The following FER variants were observed in gnomAD, a reference collection of about 807,000 sequenced individuals.
FER encodes the protein tyrosine-protein kinase Fer.
A neutral mutation model predicts 111.0 loss-of-function variants in FER; 63 were observed. The ratio of observed to expected loss-of-function variants is 0.57; its 90% CI spans 0.46 to 0.70. The LOEUF (loss-of-function observed/expected upper bound fraction) is 0.70. Ranked by LOEUF, FER falls within the 30% of genes least tolerant of loss-of-function variation. The probability of loss-of-function intolerance (pLI) is 0.00; values close to 1 mark genes in which losing one functional copy is unlikely to be tolerated. For synonymous variants in FER, 327 were observed against 313.9 expected (o/e 1.04, Z -0.44); for missense variants, 914 against 954.0 (o/e 0.96, Z 0.55).
intron 17 of FER, among the ~76,000 whole-genome samples, chr5:109,178,576 C>G (rs766846831): frequency 1.3e-5 from 2 of 152,186 alleles, no homozygotes; most frequent in South Asian, 2.1e-4. Context: ...GAGGTGCATA[C>G]TATATTGCCA....
intron 16 of FER, among the ~76,000 whole-genome samples, chr5:109,058,723 T>A (rs1181834449): frequency 7.4e-6 from 1 of 134,496 alleles, no homozygotes; most frequent in African/African-American, 2.9e-5. Context: ...TTTCTTTCTT[T>A]CTTTTTTTTT....
At chr5:108,880,625 A>G (rs1765582675) in intron 8 of FER, among the ~76,000 whole-genome samples, 1 of 152,116 alleles carries the variant, frequency 6.6e-6, no homozygotes, top group Non-Finnish European at 1.5e-5. Flanking sequence ...TAGTCAGAAT[A>G]TGAACTATTC....
At chr5:108,877,796 T>C (rs1765238982) in intron 8 of FER, among the ~76,000 whole-genome samples, 1 of 152,194 alleles carries the variant, frequency 6.6e-6, no homozygotes. Context: ...GGAAGTTTGA[T>C]CCCTTTAAGA....
chr5:109,018,106 T>C (rs1385366594), intron 13 of FER, among the ~76,000 whole-genome samples: 2 of 151,912 alleles, frequency 1.3e-5, no homozygotes, highest in African/African-American at 4.8e-5. Flanking sequence ...CTTAATACTT[T>C]GGATTTTTTA....
At chr5:109,077,748 A>G (rs1289388194) in intron 16 of FER, among the ~76,000 whole-genome samples, 1 of 152,184 alleles carries the variant, frequency 6.6e-6, no homozygotes, top group African/African-American at 2.4e-5. Flanking sequence ...ACAGCCAACC[A>G]TATTAAGGAA....
At chr5:108,794,750 T>C (rs1480022070) in intron 2 of FER, among the ~76,000 whole-genome samples, 2 of 152,322 alleles carry the variant, frequency 1.3e-5, no homozygotes, top group South Asian at 4.2e-4. Context: ...AAAAGGCTGC[T>C]GCCACACATG....
Position 108,823,268 on chromosome 5 carries a change from G to A in FER, c.208-9502G>A, listed in dbSNP as rs567549059. ...ATGAGATTACAGGTATCTTTTTGTT[G>A]TATTGATTTTGTTTTCTTTGGCTAT... is the stretch of plus-strand genomic sequence containing the variant. On this transcript the variant is annotated intron_variant, in intron 3 of 19. Coordinates refer to ENST00000281092, the MANE Select transcript of FER (RefSeq NM_005246.4). Among the ~76,000 whole-genome samples, 5 of 152,290 alleles carry A rather than the reference G, an allele frequency of 3.3e-5. No homozygotes were observed. The South Asian group carries it at 1.0e-3, about 32-fold the overall frequency.
chr5:108,749,945 A>C (rs1259018137), intron 1 of FER, among the ~76,000 whole-genome samples: 2 of 152,236 alleles, frequency 1.3e-5, no homozygotes, highest in East Asian at 3.8e-4. Flanking sequence ...CTGTAGTGCA[A>C]TTCAAAATCT....
chr5:108,967,759 CAAAAAAAAAAA>C (rs774855414), intron 13 of FER, among the ~76,000 whole-genome samples: 3 of 34,474 alleles, frequency 8.7e-5, no homozygotes, highest in South Asian at 2.5e-3. Context: ...GACTCCGTCT[CAAAAAAAAAAA>C]AAAAAAAAAA....
At chr5:109,136,920 T>TA (rs1217057231) in intron 17 of FER, among the ~76,000 whole-genome samples, 1 of 152,234 alleles carries the variant, frequency 6.6e-6, no homozygotes, top group Non-Finnish European at 1.5e-5. Context: ...AAGTATTTTT[T>TA]ATTGGTGTAA....
chr5:108,768,945 C>T (rs1752607680), intron 2 of FER, among the ~76,000 whole-genome samples: 1 of 152,096 alleles, frequency 6.6e-6, no homozygotes, highest in African/African-American at 2.4e-5. Flanking sequence ...CTGCCTCAGC[C>T]TCCCAAGTAG....
chr5:108,873,834 C>T (rs1441565682), intron 8 of FER, among the ~76,000 whole-genome samples: 1 of 152,134 alleles, frequency 6.6e-6, no homozygotes, highest in Non-Finnish European at 1.5e-5. Context: ...GCCTCCCAAA[C>T]AAAGAATTAT....
At chr5:109,094,641 C>T (rs1257862227) in intron 16 of FER, among the ~76,000 whole-genome samples, 1 of 152,098 alleles carries the variant, frequency 6.6e-6, no homozygotes, top group African/African-American at 2.4e-5. Context: ...ACAACTCTGT[C>T]ATTATAGCAT....
intron 9 of FER, among the ~76,000 whole-genome samples, chr5:108,884,114 C>T (rs1746680570): frequency 1.3e-5 from 2 of 151,968 alleles, no homozygotes; most frequent in Admixed American, 6.6e-5. Flanking sequence ...AGTTTCTAAT[C>T]TGCTTTTATT....
chr5:109,055,194 C>A (rs188400120), intron 16 of FER, among the ~76,000 whole-genome samples: 23 of 152,100 alleles, frequency 1.5e-4, no homozygotes, highest in Admixed American at 7.2e-4. Flanking sequence ...AATATAAAAC[C>A]AGAAACAATA....
intron 16 of FER, among the ~76,000 whole-genome samples, chr5:109,075,459 T>C (rs908177018): frequency 1.4e-5 from 2 of 148,102 alleles, no homozygotes; most frequent in African/African-American, 5.0e-5. Flanking sequence ...AGGCAGAGTC[T>C]CGCTCTGTCA....
intron 13 of FER, among the ~76,000 whole-genome samples, chr5:108,973,429 T>C (rs1022031061): frequency 2.0e-5 from 3 of 152,066 alleles, no homozygotes; most frequent in East Asian, 3.9e-4. Context: ...CAAGTGATTT[T>C]TAAAAAACGA....
chr5:108,909,883 C>G (rs1189238539), intron 10 of FER, among the ~76,000 whole-genome samples: 1 of 151,072 alleles, frequency 6.6e-6, no homozygotes, highest in Non-Finnish European at 1.5e-5. Flanking sequence ...TAAACTTATG[C>G]TACATAAAGA....
chr5:109,038,519 T>C (rs1278894934), intron 14 of FER, among the ~76,000 whole-genome samples: 1 of 152,018 alleles, frequency 6.6e-6, no homozygotes, highest in African/African-American at 2.4e-5. Flanking sequence ...TTATCATTTA[T>C]GATTTTAAAA....
Sources: gnomAD v4.1 joint callset for allele counts (sites outside exome capture counted in the v4.1 genomes callset) on GRCh38, gnomAD v4.1.1 for gene constraint, MANE v1.5 for transcripts, NCBI Gene and HGNC (gene_info 2026-07-23, HGNC 2026-07-21) for gene names.